VPS41: variants seen among roughly 807,000 people sequenced by gnomAD.
The protein encoded by VPS41 is VPS41 subunit of HOPS complex.
Under a neutral mutation model 130.9 loss-of-function variants are expected in VPS41, and 85 were observed. That is an observed-to-expected ratio of 0.65 (90% CI 0.55 to 0.78). VPS41 has a LOEUF of 0.78. Among genes scored for constraint, VPS41 ranks in the 30% least tolerant of loss-of-function variants. The probability of loss-of-function intolerance (pLI) is 0.00; values close to 1 mark genes in which losing one functional copy is unlikely to be tolerated. For missense variants in VPS41, 874 were observed against 1,018.7 expected (o/e 0.86, Z 1.93); for synonymous variants, 335 against 332.9 (o/e 1.01, Z -0.07).
chr7:38,880,867 C>T (rs1032317662), intron 2 of VPS41, among the ~76,000 whole-genome samples: 3 of 152,210 alleles, frequency 2.0e-5, no homozygotes, highest in Admixed American at 1.3e-4. Flanking sequence ...TTTAAACACA[C>T]TCTTGAACAA....
chr7:38,758,532 G>C, intron 17 of VPS41, 51 bp from the exon 18 acceptor site: 1 of 1,562,266 alleles, frequency 6.4e-7, no homozygotes, highest in Non-Finnish European at 8.7e-7. Flanking sequence ...CAGAATAATA[G>C]TTGTGATATT....
intron 4 of VPS41, among the ~76,000 whole-genome samples, chr7:38,840,198 C>G (rs1254341162): frequency 6.6e-6 from 1 of 152,204 alleles, no homozygotes; most frequent in African/African-American, 2.4e-5. Flanking sequence ...TTTCCCTCAG[C>G]ATTGACAACA....
rs774700981 is a variant in VPS41 at position 38,818,478 on chromosome 7, TC to T, written c.385-597del. On this transcript the variant is annotated intron_variant, in intron 6 of 28. Transcript: ENST00000310301. ...TCTCATCTGCTTCCCACTCATCCAA[TC>T]TTTCTCCAGCCCCTTGCTACCCAGG... is the stretch of plus-strand genomic sequence containing the variant. 2.6e-5 allele frequency among the ~76,000 whole-genome samples: 4 copies of T among 152,298 alleles called. 1 individual carries two copies. Among genetic ancestry groups the T allele is most frequent in the East Asian group, 1.9e-4 (1 of 5,186 alleles).
At chr7:38,728,168 T>C (rs1795585092) in intron 27 of VPS41, among the ~76,000 whole-genome samples, 1 of 152,196 alleles carries the variant, frequency 6.6e-6, no homozygotes, top group East Asian at 1.9e-4. Context: ...TACCCTAGAC[T>C]AGCAGTTCTA....
chr7:38,771,114 C>G, intron 14 of VPS41, 84 bp downstream of exon 14: 2 of 988,192 alleles, frequency 2.0e-6, no homozygotes, highest in Non-Finnish European at 3.1e-6. Flanking sequence ...ATAGGAAAAA[C>G]CTGTTCTTTT....
chr7:38,826,147 C>T (rs1584414502), intron 5 of VPS41, among the ~76,000 whole-genome samples: 1 of 152,120 alleles, frequency 6.6e-6, no homozygotes, highest in Admixed American at 6.5e-5. Flanking sequence ...GCCTCTAGTT[C>T]CCCCCAGGGA....
At chr7:38,767,737 T>C (rs1360008515) in intron 14 of VPS41, 139 bp from the exon 15 acceptor site, 2 of 453,492 alleles carry the variant, frequency 4.4e-6, no homozygotes, top group Non-Finnish European at 7.8e-6. Context: ...TAGCTTGCTT[T>C]ATGTAATTAC....
intron 7 of VPS41, among the ~76,000 whole-genome samples, chr7:38,800,216 T>C (rs1050493366): frequency 6.6e-6 from 1 of 152,206 alleles, no homozygotes. Context: ...ATTTTATGCA[T>C]GTATCTTCAT....
At chr7:38,727,013 G>A (rs758554494) in intron 27 of VPS41, 25 bp from the exon 28 acceptor site, 6 of 1,501,750 alleles carry the variant, frequency 4.0e-6, no homozygotes, top group Non-Finnish European at 8.9e-7. Context: ...AGAGAAAGGA[G>A]GAGAACTTAA....
chr7:38,742,220 A>G (rs1470611018), intron 24 of VPS41, 99 bp from the exon 25 acceptor site: 3 of 1,171,976 alleles, frequency 2.6e-6, no homozygotes, highest in Non-Finnish European at 3.5e-6. Flanking sequence ...GATCAAAAGT[A>G]ACTCAAAGAA....
intron 4 of VPS41, among the ~76,000 whole-genome samples, chr7:38,851,332 T>C (rs984614567): frequency 2.0e-5 from 3 of 152,228 alleles, no homozygotes; most frequent in Non-Finnish European, 2.9e-5. Flanking sequence ...TCCTCTGAGA[T>C]GAAACTCCAG....
At chr7:38,749,459 A>C (rs1796050040) in intron 22 of VPS41, among the ~76,000 whole-genome samples, 1 of 152,218 alleles carries the variant, frequency 6.6e-6, no homozygotes, top group Admixed American at 6.5e-5. Context: ...TATAAACAAC[A>C]GTGGATCAAT....
At chr7:38,779,369 ATC>A (rs1784317777) in intron 10 of VPS41, among the ~76,000 whole-genome samples, 1 of 152,202 alleles carries the variant, frequency 6.6e-6, no homozygotes, top group Non-Finnish European at 1.5e-5. Flanking sequence ...ACCAACAAAA[ATC>A]TCTTATAGAA....
chr7:38,813,918 T>C (rs1215732863), intron 7 of VPS41, among the ~76,000 whole-genome samples: 1 of 152,210 alleles, frequency 6.6e-6, no homozygotes, highest in Admixed American at 6.5e-5. Context: ...AAACTGAACA[T>C]AGAACAGCTT....
chr7:38,801,422 T>G (rs1784723241), intron 7 of VPS41, among the ~76,000 whole-genome samples: 3 of 152,208 alleles, frequency 2.0e-5, no homozygotes, highest in Admixed American at 2.0e-4. Context: ...TTTTCTTATG[T>G]TTTTCAAATA....
intron 15 of VPS41, 29 bp from the exon 16 acceptor site, chr7:38,765,690 G>A: frequency 7.5e-6 from 11 of 1,463,584 alleles, no homozygotes; most frequent in Non-Finnish European, 1.0e-5. Context: ...CAGGCAGAAA[G>A]AAAGTATATA....
chr7:38,834,843 A>T (rs1387186981), intron 4 of VPS41, among the ~76,000 whole-genome samples: 4 of 151,698 alleles, frequency 2.6e-5, no homozygotes, highest in Non-Finnish European at 5.9e-5. Flanking sequence ...CTGGTCATTC[A>T]TATTTTCCAA....
At chr7:38,812,412 T>C (rs1784962166) in intron 7 of VPS41, among the ~76,000 whole-genome samples, 1 of 152,172 alleles carries the variant, frequency 6.6e-6, no homozygotes, top group Admixed American at 6.5e-5. Context: ...GTACACCTAA[T>C]TTAAGAGTAA....
intron 7 of VPS41, among the ~76,000 whole-genome samples, chr7:38,801,884 G>A (rs1422922799): frequency 2.6e-5 from 4 of 152,078 alleles, no homozygotes; most frequent in Admixed American, 2.0e-4. Flanking sequence ...TTCCCAAAAC[G>A]TTTCAGTTAC....
Sources: allele counts gnomAD v4.1 joint callset (sites outside exome capture counted in the v4.1 genomes callset), GRCh38; gene constraint gnomAD v4.1.1; transcripts MANE v1.5; gene names NCBI Gene and HGNC (gene_info 2026-07-23, HGNC 2026-07-21).